Variants in STAU2 observed in about 807,000 individuals in gnomAD.
STAU2 encodes double-stranded RNA-binding protein Staufen homolog 2.
Under a neutral mutation model 65.9 loss-of-function variants are expected in STAU2, and 20 were observed. The observed-to-expected ratio is 0.30, with a 90% CI of 0.21 to 0.44. The LOEUF (loss-of-function observed/expected upper bound fraction) is 0.44, where lower values mean the gene tolerates loss of function less well. STAU2 is among the 20% of genes least tolerant of loss of function. The pLI is 1.00. For missense variants in STAU2, 558 were observed against 683.9 expected (o/e 0.82, Z 2.05); for synonymous variants, 232 against 233.9 (o/e 0.99, Z 0.07).
intron 1 of STAU2, among the ~76,000 whole-genome samples, chr8:73,743,718 C>T (rs1807053729): frequency 6.6e-6 from 1 of 150,842 alleles, no homozygotes; most frequent in Admixed American, 6.6e-5. Context: ...AGGTGATTCA[C>T]CCACCTCGGC....
chr8:73,595,501 T>C (rs758359944), intron 10 of STAU2, among the ~76,000 whole-genome samples: 5 of 152,144 alleles, frequency 3.3e-5, no homozygotes, highest in African/African-American at 4.8e-5. Context: ...TGGAGGATTA[T>C]CTCAGGATGG....
At chr8:73,480,558 A>C (rs901678338) in intron 13 of STAU2, among the ~76,000 whole-genome samples, 3 of 152,164 alleles carry the variant, frequency 2.0e-5, no homozygotes, top group Non-Finnish European at 4.4e-5. Context: ...CCAATGGATG[A>C]CTTAAAATCC....
chr8:73,472,247 C>T (rs1455035009), intron 13 of STAU2, among the ~76,000 whole-genome samples: 3 of 152,136 alleles, frequency 2.0e-5, no homozygotes, highest in Admixed American at 1.3e-4. Flanking sequence ...GGGTAACACC[C>T]AATCAAAATA....
chr8:73,490,988 T>C (rs7815808), intron 13 of STAU2, among the ~76,000 whole-genome samples: 58,553 of 151,542 alleles, frequency 0.39, 12,868 homozygotes, highest in Non-Finnish European at 0.49. Flanking sequence ...AAGAAATTCA[T>C]GGTATAGTTT....
intron 13 of STAU2, among the ~76,000 whole-genome samples, chr8:73,459,100 C>T (rs1037379193): frequency 1.3e-5 from 2 of 152,106 alleles, no homozygotes; most frequent in African/African-American, 4.8e-5. Flanking sequence ...TCAAAAAGAA[C>T]TTTCCTATAT....
intron 3 of STAU2, among the ~76,000 whole-genome samples, chr8:73,717,155 G>A (rs1821307386): frequency 6.6e-6 from 1 of 152,040 alleles, no homozygotes. Context: ...CAAAGTTGGA[G>A]CAAATGGACA....
intron 12 of STAU2, among the ~76,000 whole-genome samples, chr8:73,577,606 G>A (rs563944676): frequency 5.3e-5 from 8 of 151,852 alleles, no homozygotes; most frequent in Non-Finnish European, 7.4e-5. Context: ...CTATTTTTCC[G>A]TATGTTTTAG....
chr8:73,429,010 A>T (rs1817050928), intron 13 of STAU2, among the ~76,000 whole-genome samples: 1 of 152,158 alleles, frequency 6.6e-6, no homozygotes, highest in Non-Finnish European at 1.5e-5. Context: ...GATTTTCAGA[A>T]TTCTTGCGTG....
chr8:73,711,333 T>C (rs1820888058), intron 3 of STAU2, among the ~76,000 whole-genome samples: 1 of 152,034 alleles, frequency 6.6e-6, no homozygotes, highest in Non-Finnish European at 1.5e-5. Flanking sequence ...CGATAATCAG[T>C]TTTGGCCTTT....
chr8:73,731,069 T>C (rs1806031089), intron 3 of STAU2, among the ~76,000 whole-genome samples: 3 of 152,220 alleles, frequency 2.0e-5, no homozygotes, highest in South Asian at 4.1e-4. Flanking sequence ...CTCTGCATAG[T>C]AGGAACACGA....
At position 73,582,776 on chromosome 8, in the gene STAU2, T is replaced by G. The variant is rs1360681727; in HGVS notation, c.1216A>C (p.Asn406His). ...GPKPGFPEPT[N>H]NTPKGILHLS... The stretch of plus-strand genomic sequence containing the variant: ...CATAAAAATGAGAACTTACTATTAT[T>G]TGTTGGTTCAGGAAACCCAGGCTTT... The change falls in exon 12 of 15, where the codon AAT (asparagine) becomes CAT (histidine). Residue 406 changes from asparagine (N) to histidine (H), a missense_variant. Coordinates refer to ENST00000524300, the MANE Select transcript of STAU2 (RefSeq NM_001164380.2). 1 of 1,613,324 alleles carries G rather than the reference T, an allele frequency of 6.2e-7. No homozygotes were observed. Among genetic ancestry groups the G allele is most frequent in the Admixed American group, 1.7e-5 (1 of 60,010 alleles).
At chr8:73,702,465 C>T (rs1233130981) in intron 4 of STAU2, among the ~76,000 whole-genome samples, 1 of 152,032 alleles carries the variant, frequency 6.6e-6, no homozygotes, top group Non-Finnish European at 1.5e-5. Flanking sequence ...GTACATGCAA[C>T]ATACCAAATA....
chr8:73,634,818 A>G (rs1478483130), intron 6 of STAU2, among the ~76,000 whole-genome samples: 1 of 152,166 alleles, frequency 6.6e-6, no homozygotes, highest in African/African-American at 2.4e-5. Context: ...TCTTCGCTCA[A>G]ATCTCACCTC....
intron 5 of STAU2, among the ~76,000 whole-genome samples, chr8:73,686,994 G>C (rs1250368166): frequency 6.7e-6 from 1 of 149,702 alleles, no homozygotes; most frequent in Non-Finnish European, 1.5e-5. Context: ...CCAGGTTCAA[G>C]CAATTCTCCT....
At chr8:73,746,348 C>A (rs113522280) in intron 1 of STAU2, among the ~76,000 whole-genome samples, 19,012 of 151,504 alleles carry the variant, frequency 0.13, 1,626 homozygotes, top group East Asian at 0.34. Flanking sequence ...CTCGCAGCCA[C>A]ACCGTGGCTG....
chr8:73,695,104 C>T (rs535152718), intron 4 of STAU2, among the ~76,000 whole-genome samples: 4 of 152,224 alleles, frequency 2.6e-5, no homozygotes, highest in South Asian at 4.1e-4. Context: ...TAGGATGGCA[C>T]GCAACCTAGG....
At position 73,567,716 on chromosome 8, in the gene STAU2, A is replaced by G. The variant is rs1808721988; in HGVS notation, c.1222+15054T>C. 2.0e-5 allele frequency among the ~76,000 whole-genome samples: 3 copies of G among 151,610 alleles called. No individual in the cohort carries two copies. The South Asian group carries it at 6.3e-4, about 32-fold the overall frequency. ...GCATGTGCCACACCATGCCTGGCAA[A>G]TTTTTGTATTTTTAGCAGAGATGGA... On this transcript the variant is annotated intron_variant, in intron 12 of 14. Coordinates refer to ENST00000524300, the MANE Select transcript of STAU2 (RefSeq NM_001164380.2).
At chr8:73,431,344 AAT>A (rs1188039535) in intron 13 of STAU2, among the ~76,000 whole-genome samples, 1 of 132,800 alleles carries the variant, frequency 7.5e-6, no homozygotes, top group Non-Finnish European at 1.5e-5. Context: ...TATGACAATT[AAT>A]ATGTTCCAGG....
At chr8:73,469,561 C>T (rs1011040672) in intron 13 of STAU2, among the ~76,000 whole-genome samples, 2 of 151,444 alleles carry the variant, frequency 1.3e-5, no homozygotes, top group Admixed American at 6.6e-5. Flanking sequence ...GAGGCCTATT[C>T]GGCAAAAGAG....
Sources: allele counts gnomAD v4.1 joint callset (sites outside exome capture counted in the v4.1 genomes callset), GRCh38; gene constraint gnomAD v4.1.1; transcripts MANE v1.5; gene names NCBI Gene and HGNC (gene_info 2026-07-23, HGNC 2026-07-21).